Variants in CASP4 observed in about 807,000 individuals in gnomAD.
CASP4 encodes the protein caspase-4.
CASP4 carries 29 observed loss-of-function variants against 41.3 expected under a neutral mutation model. The observed-to-expected ratio is 0.70, with a 90% CI of 0.52 to 0.96. The LOEUF (loss-of-function observed/expected upper bound fraction) is 0.96. CASP4 is among the 40% of genes least tolerant of loss of function. The pLI is 0.00. For synonymous variants in CASP4, 185 were observed against 158.4 expected, an observed-to-expected ratio of 1.17 and a Z score of -1.26; for missense variants, 447 against 460.6, an observed-to-expected ratio of 0.97 and a Z score of 0.27.
At chr11:104,952,693 T>G (rs1357435428) in intron 2 of CASP4, among the ~76,000 whole-genome samples, 1 of 152,160 alleles carries the variant, frequency 6.6e-6, no homozygotes, top group Non-Finnish European at 1.5e-5. Context: ...AGGCATTATT[T>G]TTTTAGCAAC....
chr11:104,960,288 T>A (rs770137366), intron 1 of CASP4, among the ~76,000 whole-genome samples: 8 of 152,132 alleles, frequency 5.3e-5, no homozygotes, highest in Non-Finnish European at 1.0e-4. Context: ...TAATTTCTTC[T>A]GGTTTTTGAA....
intron 1 of CASP4, among the ~76,000 whole-genome samples, chr11:104,955,384 G>T (rs1860714933): frequency 6.6e-6 from 1 of 151,608 alleles, no homozygotes; most frequent in Non-Finnish European, 1.5e-5. Flanking sequence ...CAATGCTCTT[G>T]TCTAGAATAT....
At chr11:104,958,031 AC>A (rs374853112) in intron 1 of CASP4, among the ~76,000 whole-genome samples, 90 of 152,320 alleles carry the variant, frequency 5.9e-4, no homozygotes, top group African/African-American at 2.1e-3. Flanking sequence ...TTTCATGAAC[AC>A]ACAACTGGGA....
intron 1 of CASP4, among the ~76,000 whole-genome samples, chr11:104,962,511 C>T (rs1860884104): frequency 6.6e-6 from 1 of 152,152 alleles, no homozygotes; most frequent in South Asian, 2.1e-4. Context: ...CAAGATAGAA[C>T]ATGGGTTTAG....
In CASP4 at chr11:104,968,573, G is replaced by A. The variant is rs72978981; in HGVS notation, c.-48C>T. ...TTACAGCGTTGGAAAGAGCCTCAGA[G>A]TCAAAAATGAAAGTAAACTATGTAT... is the stretch of plus-strand genomic sequence containing the variant. On this transcript the variant is annotated 5_prime_UTR_variant, in exon 1 of 9. Transcript: ENST00000444739. The A allele has an allele frequency of 2.0e-4, 322 of 1,603,936 alleles. 1 individual carries two copies. In the African/African-American group the frequency reaches 3.8e-3, roughly 19 times the overall value.
chr11:104,954,735 A>G lies in CASP4; in HGVS notation c.262+12T>C, dbSNP rs766500480. 1.2e-6 allele frequency: 2 copies of G among 1,610,668 alleles called. No individual in the cohort carries two copies. The highest frequency in any genetic ancestry group is 1.7e-6 in the Non-Finnish European group (2 of 1,178,370). The stretch of plus-strand genomic sequence containing the variant: ...AAAATTGAGACATTCATTGTAAAAA[A>G]TCCAGTCTTACCTTTTTTATTGGGG... On this transcript the variant is annotated intron_variant, in intron 2 of 8. Coordinates refer to ENST00000444739, the MANE Select transcript of CASP4 (RefSeq NM_001225.4).
chr11:104,944,682 G>T (rs780253466), intron 8 of CASP4, 66 bp downstream of exon 8: 12 of 1,037,872 alleles, frequency 1.2e-5, no homozygotes, highest in Non-Finnish European at 1.7e-5. Context: ...ATTTGTCATT[G>T]AACTTAACCA....
chr11:104,948,687 A>C lies in CASP4; in HGVS notation c.782-11T>G. The stretch of plus-strand genomic sequence containing the variant: ...GTTCCCCACGGTTTGCTATGGAGAC[A>C]TTAACTTTCTGCACACTGCTGTGCC... On this transcript the variant is annotated splice_polypyrimidine_tract_variant and intron_variant, in intron 5 of 8. Coordinates refer to ENST00000444739, the MANE Select transcript of CASP4 (RefSeq NM_001225.4). The C allele has an allele frequency of 6.3e-7, 1 of 1,578,930 alleles. No individual in the cohort carries two copies. Among genetic ancestry groups the C allele is most frequent in the Non-Finnish European group, 8.6e-7 (1 of 1,156,880 alleles).
intron 1 of CASP4, among the ~76,000 whole-genome samples, chr11:104,957,930 G>C (rs1860771526): frequency 6.6e-6 from 1 of 152,030 alleles, no homozygotes; most frequent in Admixed American, 6.6e-5. Flanking sequence ...CACAATAGTT[G>C]CATAAAAATA....
intron 7 of CASP4, among the ~76,000 whole-genome samples, chr11:104,946,392 G>A (rs1000268679): frequency 6.6e-6 from 1 of 152,106 alleles, no homozygotes; most frequent in African/African-American, 2.4e-5. Context: ...CTGCCATCAC[G>A]AAGTTTGCAT....
At chr11:104,961,298 T>A (rs569656816) in intron 1 of CASP4, among the ~76,000 whole-genome samples, 14 of 152,238 alleles carry the variant, frequency 9.2e-5, no homozygotes, top group Non-Finnish European at 1.9e-4. Flanking sequence ...TGTAGCTGCA[T>A]TGAAGGGTGT....
chr11:104,944,354 C>G, intron 8 of CASP4: 1 of 102,168 alleles, frequency 9.8e-6, no homozygotes, highest in South Asian at 3.1e-4. Context: ...GTCTCTCTCT[C>G]TCTCTCTCTC....
intron 1 of CASP4, among the ~76,000 whole-genome samples, chr11:104,967,978 C>T (rs55798892): frequency 2.0e-5 from 3 of 151,884 alleles, no homozygotes; most frequent in Admixed American, 1.3e-4. Flanking sequence ...ACAATAACAA[C>T]GGCAAAACAA....
At chr11:104,944,586 T>A in intron 8 of CASP4, 162 bp downstream of exon 8, 1 of 555,108 alleles carries the variant, frequency 1.8e-6, no homozygotes, top group South Asian at 2.3e-5. Context: ...GGAATCCAAA[T>A]ACATGTAAGT....
intron 1 of CASP4, among the ~76,000 whole-genome samples, chr11:104,967,495 G>C (rs1392627691): frequency 6.6e-6 from 1 of 152,096 alleles, no homozygotes; most frequent in African/African-American, 2.4e-5. Flanking sequence ...AAAGAGAAAA[G>C]GCAATAGGGA....
In CASP4 at chr11:104,954,872, T is replaced by C; in HGVS notation, c.137A>G (p.Tyr46Cys). 2 of 1,613,908 alleles carry C rather than the reference T, an allele frequency of 1.2e-6. No homozygotes were observed. The highest frequency in any genetic ancestry group is 1.7e-6 in the Non-Finnish European group (2 of 1,179,840). The change falls in exon 2 of 9, where the codon TAC (tyrosine) becomes TGC (cysteine). Residue 46 changes from tyrosine (Y) to cysteine (C), a missense_variant. Coordinates refer to ENST00000444739, the MANE Select transcript of CASP4 (RefSeq NM_001225.4). ...AACTTTGTCTTCAGTTTTAGCATCG[T>C]AATATTTCTTTTTTTCCTCTTCCTT... ...NWKEEEKKKYYDAKTEDKVRV... is the reference protein window; with the variant it reads ...NWKEEEKKKYCDAKTEDKVRV...
chr11:104,944,051 G>T (rs1233491487), intron 8 of CASP4: 1 of 152,238 alleles, frequency 6.6e-6, no homozygotes, highest in Middle Eastern at 3.4e-3. Flanking sequence ...AATAACAAAA[G>T]TTACATGGGA....
At chr11:104,961,158 C>A (rs919638452) in intron 1 of CASP4, among the ~76,000 whole-genome samples, 3 of 152,246 alleles carry the variant, frequency 2.0e-5, no homozygotes, top group African/African-American at 7.2e-5. Context: ...TTCTCTTGGA[C>A]TGGGGGCTGG....
At chr11:104,966,700 T>C (rs1860983646) in intron 1 of CASP4, among the ~76,000 whole-genome samples, 1 of 151,992 alleles carries the variant, frequency 6.6e-6, no homozygotes, top group Admixed American at 6.5e-5. Context: ...GGAATAGAAA[T>C]GTGAGGCCAG....
Sources: allele counts gnomAD v4.1 joint callset (sites outside exome capture counted in the v4.1 genomes callset), GRCh38; gene constraint gnomAD v4.1.1; transcripts MANE v1.5; gene names NCBI Gene and HGNC (gene_info 2026-07-23, HGNC 2026-07-21).